OPCML: variants seen among roughly 807,000 people sequenced by gnomAD.
The protein encoded by OPCML is opioid-binding protein/cell adhesion molecule.
OPCML carries 13 observed loss-of-function variants against 37.8 expected under a neutral mutation model. The observed-to-expected ratio is 0.34, with a 90% CI of 0.22 to 0.55. The LOEUF is 0.55. Among genes scored for constraint, OPCML ranks in the 20% least tolerant of loss-of-function variants. The probability of loss-of-function intolerance (pLI) is 0.91; values close to 1 mark genes in which losing one functional copy is unlikely to be tolerated. For missense variants in OPCML, 341 were observed against 435.6 expected, an observed-to-expected ratio of 0.78 and a Z score of 1.93; for synonymous variants, 176 against 168.8, an observed-to-expected ratio of 1.04 and a Z score of -0.33.
chr11:132,428,529 G>A (rs1247433476), intron 7 of OPCML, among the ~76,000 whole-genome samples: 1 of 152,154 alleles, frequency 6.6e-6, no homozygotes, highest in East Asian at 1.9e-4. Flanking sequence ...TTACATATGG[G>A]GCATCATTGA....
chr11:132,509,506 G>GA (rs1435054907), intron 4 of OPCML, among the ~76,000 whole-genome samples: 2 of 152,170 alleles, frequency 1.3e-5, no homozygotes, highest in Non-Finnish European at 2.9e-5. Context: ...GGCCCAGGAG[G>GA]AAAAAGTGAT....
intron 1 of OPCML, among the ~76,000 whole-genome samples, chr11:133,337,610 G>A (rs1943771836): frequency 6.6e-6 from 1 of 152,086 alleles, no homozygotes; most frequent in South Asian, 2.1e-4. Context: ...GTTGACTTCT[G>A]AGGAAGAGAC....
chr11:133,382,846 T>C (rs1436199387), intron 1 of OPCML, among the ~76,000 whole-genome samples: 1 of 152,118 alleles, frequency 6.6e-6, no homozygotes, highest in Non-Finnish European at 1.5e-5. Context: ...TTTCACTGCT[T>C]ATGAAAGGAG....
At chr11:133,267,870 T>A (rs1941707505) in intron 1 of OPCML, among the ~76,000 whole-genome samples, 1 of 152,172 alleles carries the variant, frequency 6.6e-6, no homozygotes, top group Admixed American at 6.5e-5. Context: ...TTGCTCCTCC[T>A]TACCTTCTGC....
rs529756899 is a variant in OPCML at position 133,374,885 on chromosome 11, G to A, written c.61+157379C>T. On this transcript the variant is annotated intron_variant, in intron 1 of 7. Transcript: ENST00000524381. ...CAAGGTACCATATGCACATTGGGTC[G>A]GCGGCAGCTGAGAGTGTCGCTGAGG... 5.3e-5 allele frequency among the ~76,000 whole-genome samples: 8 copies of A among 152,264 alleles called. No individual in the cohort carries two copies. The East Asian group carries it at 7.7e-4, about 15-fold the overall frequency.
chr11:133,251,824 T>C (rs1941144627), intron 1 of OPCML, among the ~76,000 whole-genome samples: 2 of 152,182 alleles, frequency 1.3e-5, no homozygotes, highest in Non-Finnish European at 2.9e-5. Context: ...AAATGCCTCT[T>C]GGTTGCCCAG....
chr11:132,560,826 G>A (rs1247362552), intron 3 of OPCML, among the ~76,000 whole-genome samples: 6 of 152,258 alleles, frequency 3.9e-5, no homozygotes, highest in African/African-American at 1.4e-4. Flanking sequence ...TTGTTTGTCA[G>A]ATGTATACAT....
chr11:132,673,384 A>C (rs1213611793), intron 2 of OPCML, among the ~76,000 whole-genome samples: 3 of 152,180 alleles, frequency 2.0e-5, no homozygotes, highest in Non-Finnish European at 2.9e-5. Context: ...GGCATCAGAC[A>C]TGAGGAAAGT....
At chr11:132,984,467 C>T (rs1335328665) in intron 1 of OPCML, among the ~76,000 whole-genome samples, 3 of 152,174 alleles carry the variant, frequency 2.0e-5, no homozygotes, top group African/African-American at 7.2e-5. Context: ...AATATTTATT[C>T]TCTTTTTTAT....
intron 3 of OPCML, among the ~76,000 whole-genome samples, chr11:132,581,712 T>TAGAGAAAAC (rs1387959506): frequency 6.6e-6 from 1 of 152,020 alleles, no homozygotes; most frequent in Non-Finnish European, 1.5e-5. Context: ...TACTTTTAGG[T>TAGAGAAAAC]AGAGAAAACT....
At chr11:132,836,330 G>C (rs1940998456) in intron 2 of OPCML, among the ~76,000 whole-genome samples, 1 of 152,194 alleles carries the variant, frequency 6.6e-6, no homozygotes, top group Non-Finnish European at 1.5e-5. Flanking sequence ...TGTTATGTGA[G>C]AGTGTGTTCT....
At chr11:133,225,658 A>G (rs2136373912) in intron 1 of OPCML, among the ~76,000 whole-genome samples, 1 of 152,316 alleles carries the variant, frequency 6.6e-6, no homozygotes, top group South Asian at 2.1e-4. Context: ...ACAAAACAAA[A>G]GAAAAACTGA....
chr11:133,437,664 T>C (rs1267577703), intron 1 of OPCML, among the ~76,000 whole-genome samples: 2 of 106,830 alleles, frequency 1.9e-5, no homozygotes, highest in African/African-American at 3.7e-5. Context: ...ACCTCTCCCC[T>C]CTCAACCCCG....
At chr11:133,521,437 G>A (rs925249982) in intron 1 of OPCML, among the ~76,000 whole-genome samples, 1 of 152,226 alleles carries the variant, frequency 6.6e-6, no homozygotes, top group African/African-American at 2.4e-5. Flanking sequence ...AGTCATCTGG[G>A]CCATAAGAAA....
chr11:132,843,245 C>T (rs1426263476), intron 2 of OPCML, among the ~76,000 whole-genome samples: 4 of 151,960 alleles, frequency 2.6e-5, no homozygotes, highest in African/African-American at 9.7e-5. Context: ...CAGTCATGTG[C>T]CACCATGCCC....
At chr11:133,086,392 C>A (rs1948819058) in intron 1 of OPCML, among the ~76,000 whole-genome samples, 1 of 151,914 alleles carries the variant, frequency 6.6e-6, no homozygotes, top group Admixed American at 6.6e-5. Flanking sequence ...GAGCTTCCTA[C>A]AACTTGGAGA....
At chr11:132,664,662 A>T (rs1942145054) in intron 2 of OPCML, among the ~76,000 whole-genome samples, 1 of 152,220 alleles carries the variant, frequency 6.6e-6, no homozygotes, top group Non-Finnish European at 1.5e-5. Context: ...TTTTTAGATC[A>T]ACTCCCAAGG....
intron 2 of OPCML, among the ~76,000 whole-genome samples, chr11:132,665,134 C>A (rs528300542): frequency 6.6e-6 from 1 of 152,032 alleles, no homozygotes; most frequent in Admixed American, 6.6e-5. Context: ...GGAGGTTATG[C>A]AGAGAAAACA....
intron 2 of OPCML, among the ~76,000 whole-genome samples, chr11:132,913,757 T>C (rs571182505): frequency 6.6e-5 from 10 of 152,316 alleles, no homozygotes; most frequent in Non-Finnish European, 1.2e-4. Flanking sequence ...GAGGGAACCA[T>C]AGGGCACATA....
Sources: gnomAD v4.1 joint callset for allele counts (sites outside exome capture counted in the v4.1 genomes callset) on GRCh38, gnomAD v4.1.1 for gene constraint, MANE v1.5 for transcripts, NCBI Gene and HGNC (gene_info 2026-07-23, HGNC 2026-07-21) for gene names.